SHISA9: variants seen among roughly 807,000 people sequenced by gnomAD.
The protein encoded by SHISA9 is shisa family member 9.
Under a neutral mutation model 38.0 loss-of-function variants are expected in SHISA9, and 13 were observed. The ratio of observed to expected loss-of-function variants is 0.34; its 90% CI spans 0.22 to 0.54. The LOEUF (loss-of-function observed/expected upper bound fraction) is 0.54. Among genes scored for constraint, SHISA9 ranks in the 20% least tolerant of loss-of-function variants. The probability of loss-of-function intolerance (pLI) is 0.91; values close to 1 mark genes in which losing one functional copy is unlikely to be tolerated. For synonymous variants in SHISA9, 275 were observed against 242.0 expected, an observed-to-expected ratio of 1.14 and a Z score of -1.27; for missense variants, 538 against 575.8, an observed-to-expected ratio of 0.93 and a Z score of 0.67.
At chr16:13,108,892 A>G (rs558016187) in intron 2 of SHISA9, among the ~76,000 whole-genome samples, 13 of 152,316 alleles carry the variant, frequency 8.5e-5, no homozygotes, top group Non-Finnish European at 1.9e-4. Context: ...CCTAAAGTGT[A>G]GTGTCCTGAG....
the SHISA9 span, among the ~76,000 whole-genome samples, chr16:13,253,393 G>A: frequency 1.3e-4 from 20 of 152,144 alleles, no homozygotes; most frequent in Non-Finnish European, 1.5e-5. Context: ...AAGGGAGATG[G>A]CAGTGTGTGT....
the SHISA9 span, among the ~76,000 whole-genome samples, chr16:13,452,788 A>G: frequency 6.6e-6 from 1 of 151,766 alleles, no homozygotes; most frequent in South Asian, 2.1e-4. Flanking sequence ...AGGTCTTCCA[A>G]TACACCAAGC....
chr16:13,222,320 G>A (rs905224653), intron 4 of SHISA9, among the ~76,000 whole-genome samples: 1 of 152,148 alleles, frequency 6.6e-6, no homozygotes, highest in African/African-American at 2.4e-5. Context: ...TCTACTCCGA[G>A]TGGTCACTCC....
At chr16:13,069,593 G>A (rs150347269) in intron 2 of SHISA9, among the ~76,000 whole-genome samples, 212 of 152,112 alleles carry the variant, frequency 1.4e-3, no homozygotes, top group African/African-American at 4.7e-3. Context: ...TACATGTGAT[G>A]TATGTGTGCA....
chr16:13,407,339 A>G, the SHISA9 span, among the ~76,000 whole-genome samples: 1 of 152,046 alleles, frequency 6.6e-6, no homozygotes, highest in Non-Finnish European at 1.5e-5. Context: ...TGCTTCTTAT[A>G]AGGATGCTTT....
chr16:13,419,181 A>G, the SHISA9 span, among the ~76,000 whole-genome samples: 2 of 152,238 alleles, frequency 1.3e-5, no homozygotes, highest in Admixed American at 6.5e-5. Context: ...TAAAATTAAT[A>G]TACATTAAAT....
At chr16:13,023,587 A>G (rs947000263) in intron 2 of SHISA9, among the ~76,000 whole-genome samples, 2 of 152,244 alleles carry the variant, frequency 1.3e-5, no homozygotes, top group Non-Finnish European at 2.9e-5. Context: ...TCCCTGAGGA[A>G]TCGCCACACT....
At chr16:13,381,598 G>T in the SHISA9 span, among the ~76,000 whole-genome samples, 2 of 152,214 alleles carry the variant, frequency 1.3e-5, no homozygotes, top group African/African-American at 4.8e-5. Flanking sequence ...GACGGGTTGG[G>T]GAGCAAAGTG....
intron 2 of SHISA9, among the ~76,000 whole-genome samples, chr16:12,928,179 T>G (rs114588094): frequency 6.6e-6 from 1 of 151,880 alleles, no homozygotes; most frequent in South Asian, 2.1e-4. Context: ...ATCTTATATT[T>G]TTTTTTTGCC....
the SHISA9 span, among the ~76,000 whole-genome samples, chr16:13,477,443 G>A: frequency 6.6e-6 from 1 of 152,324 alleles, no homozygotes; most frequent in African/African-American, 2.4e-5. Flanking sequence ...TAAAATCACA[G>A]AGGCTTGAAA....
the SHISA9 span, among the ~76,000 whole-genome samples, chr16:13,394,109 G>A: frequency 2.6e-5 from 4 of 152,176 alleles, no homozygotes; most frequent in Non-Finnish European, 5.9e-5. Context: ...GCTGTAAGAA[G>A]CATTACGCAT....
the SHISA9 span, among the ~76,000 whole-genome samples, chr16:13,349,085 G>A: frequency 6.6e-6 from 1 of 152,176 alleles, no homozygotes; most frequent in Non-Finnish European, 1.5e-5. Context: ...TGTAACCAAG[G>A]AAATAGATCT....
At chr16:12,936,365 A>G (rs275404) in intron 2 of SHISA9, among the ~76,000 whole-genome samples, 102,818 of 152,070 alleles carry the variant, frequency 0.68, 35,011 homozygotes, top group East Asian at 0.75. Flanking sequence ...GGTTGGTCCA[A>G]TGTCATATTC....
At chr16:13,177,469 A>T (rs562211798) in intron 2 of SHISA9, among the ~76,000 whole-genome samples, 8 of 152,302 alleles carry the variant, frequency 5.3e-5, no homozygotes, top group Admixed American at 4.6e-4. Context: ...AAAAACATTC[A>T]GTTCTTCATA....
intron 2 of SHISA9, among the ~76,000 whole-genome samples, chr16:12,940,423 C>G (rs1199576989): frequency 6.7e-6 from 1 of 148,934 alleles, no homozygotes; most frequent in Admixed American, 6.8e-5. Flanking sequence ...CTAGTCCCCC[C>G]ATAAATGACC....
At chr16:13,245,871 G>A in the SHISA9 span, among the ~76,000 whole-genome samples, 2 of 152,152 alleles carry the variant, frequency 1.3e-5, no homozygotes, top group Non-Finnish European at 2.9e-5. Context: ...AAATGTCCAA[G>A]GTTCAGGAAG....
intron 2 of SHISA9, among the ~76,000 whole-genome samples, chr16:13,118,722 TC>T: frequency 1.0e-5 from 1 of 100,246 alleles, no homozygotes; most frequent in Non-Finnish European, 1.9e-5. Flanking sequence ...TTCTTTCTTT[TC>T]TTTTTTCTTT....
At chr16:13,348,609 C>T in the SHISA9 span, among the ~76,000 whole-genome samples, 1,347 of 151,746 alleles carry the variant, frequency 8.9e-3, 20 homozygotes, top group African/African-American at 0.031. Context: ...CCCACTTAAC[C>T]AACCACAGAC....
chr16:13,146,006 G>A (rs2050444116), intron 2 of SHISA9, among the ~76,000 whole-genome samples: 1 of 152,238 alleles, frequency 6.6e-6, no homozygotes, highest in Non-Finnish European at 1.5e-5. Context: ...TGGCCAACAT[G>A]GCAAAACCCT....
Sources: gnomAD v4.1 joint callset for allele counts (sites outside exome capture counted in the v4.1 genomes callset) on GRCh38, gnomAD v4.1.1 for gene constraint, MANE v1.5 for transcripts, NCBI Gene and HGNC (gene_info 2026-07-23, HGNC 2026-07-21) for gene names.